Variants in RSF1 observed in about 807,000 individuals in gnomAD.
The protein encoded by RSF1 is HBV pX-associated protein 8.
A neutral mutation model predicts 145.2 loss-of-function variants in RSF1; 13 were observed. That is an observed-to-expected ratio of 0.09 (90% CI 0.06 to 0.14). The LOEUF (loss-of-function observed/expected upper bound fraction) is 0.14. Among genes scored for constraint, RSF1 ranks in the 10% least tolerant of loss-of-function variants. The pLI, the probability that RSF1 is intolerant of heterozygous loss-of-function variation, is 1.00. For synonymous variants in RSF1, 577 were observed against 592.6 expected, an observed-to-expected ratio of 0.97 and a Z score of 0.38; for missense variants, 1,517 against 1,718.2, an observed-to-expected ratio of 0.88 and a Z score of 2.07.
At chr11:77,820,186 G>T (rs1253869126) in intron 1 of RSF1, among the ~76,000 whole-genome samples, 1 of 152,168 alleles carries the variant, frequency 6.6e-6, no homozygotes, top group Non-Finnish European at 1.5e-5. Flanking sequence ...CGCCGCCAAG[G>T]GGGAGACGGG....
intron 15 of RSF1, among the ~76,000 whole-genome samples, chr11:77,671,176 T>C (rs1431743672): frequency 9.9e-6 from 1 of 100,532 alleles, no homozygotes; most frequent in African/African-American, 4.3e-5. Flanking sequence ...TATATATATA[T>C]ATTTATATGT....
At chr11:77,775,417 A>G (rs1005800577) in intron 1 of RSF1, among the ~76,000 whole-genome samples, 31 of 152,326 alleles carry the variant, frequency 2.0e-4, no homozygotes, top group Non-Finnish European at 3.1e-4. Flanking sequence ...AACAGGTGAT[A>G]TCACTAACCG....
At chr11:77,735,657 C>T (rs1961331023) in intron 4 of RSF1, among the ~76,000 whole-genome samples, 1 of 152,082 alleles carries the variant, frequency 6.6e-6, no homozygotes, top group Admixed American at 6.6e-5. Flanking sequence ...CTAAGAAAAG[C>T]ACCTAAATGC....
At chr11:77,824,556 C>T (rs1456896464), upstream of RSF1, among the ~76,000 whole-genome samples, 1 of 152,160 alleles carries the variant, frequency 6.6e-6, no homozygotes, top group African/African-American at 2.4e-5. Context: ...GTAATACACA[C>T]TGTTGATATA....
chr11:77,847,717 T>C, the RSF1 span, among the ~76,000 whole-genome samples: 1 of 152,328 alleles, frequency 6.6e-6, no homozygotes, highest in South Asian at 2.1e-4. Context: ...TTAGTTTATA[T>C]TGTATTCAGT....
chr11:77,807,520 A>T (rs1293133248), intron 1 of RSF1, among the ~76,000 whole-genome samples: 1 of 152,252 alleles, frequency 6.6e-6, no homozygotes, highest in Non-Finnish European at 1.5e-5. Flanking sequence ...ATGGAAAGGA[A>T]CACACCATGC....
chr11:77,837,705 G>T, the RSF1 span, among the ~76,000 whole-genome samples: 2 of 152,114 alleles, frequency 1.3e-5, no homozygotes, highest in Non-Finnish European at 2.9e-5. Context: ...CAAAGTGCTG[G>T]GATTACAGGC....
chr11:77,791,409 C>T (rs913485398), intron 1 of RSF1, among the ~76,000 whole-genome samples: 12 of 152,202 alleles, frequency 7.9e-5, no homozygotes, highest in African/African-American at 2.9e-4. Flanking sequence ...CCGACATGCC[C>T]TGGAGACATT....
At chr11:77,756,211 G>A (rs534255930) in intron 2 of RSF1, among the ~76,000 whole-genome samples, 2 of 151,946 alleles carry the variant, frequency 1.3e-5, no homozygotes, top group South Asian at 2.1e-4. Flanking sequence ...TACAAAATTA[G>A]CTGGGCATGG....
the RSF1 span, among the ~76,000 whole-genome samples, chr11:77,859,042 C>T: frequency 6.6e-6 from 1 of 152,196 alleles, no homozygotes; most frequent in African/African-American, 2.4e-5. Flanking sequence ...TGGGTGTTAT[C>T]AATGCCTAAG....
At chr11:77,784,949 T>C (rs570682666) in intron 1 of RSF1, among the ~76,000 whole-genome samples, 3 of 152,356 alleles carry the variant, frequency 2.0e-5, no homozygotes, top group African/African-American at 7.2e-5. Context: ...TTCTGTCTTC[T>C]GCATAGCCCT....
rs71046904 is a variant in RSF1, at chr11:77,692,233, A to ATTTTTTTT, written c.2821-1003_2821-996dup. ...AAAAAATAATTATTACTACTTTTAA[A>ATTTTTTTT]TTTTTTTTTTTTTTTTTTTTTTTTT... On this transcript the variant is annotated intron_variant, in intron 8 of 15. Coordinates refer to ENST00000308488, the MANE Select transcript of RSF1 (RefSeq NM_016578.4). Among the ~76,000 whole-genome samples the ATTTTTTTT allele has an allele frequency of 9.1e-3, 449 of 49,452 alleles. 93 individuals carry two copies. Among genetic ancestry groups the ATTTTTTTT allele is most frequent in the African/African-American group, 0.026 (206 of 7,834 alleles). The allele number at this position is 49,452 out of a possible 152,430, so 32.4% of individuals were successfully genotyped here.
At chr11:77,709,758 T>G (rs1358856293) in intron 5 of RSF1, among the ~76,000 whole-genome samples, 1 of 151,838 alleles carries the variant, frequency 6.6e-6, no homozygotes, top group African/African-American at 2.4e-5. Context: ...CAGGCTAGAG[T>G]GCACTGGTAT....
chr11:77,861,055 T>G, the RSF1 span, among the ~76,000 whole-genome samples: 1 of 152,150 alleles, frequency 6.6e-6, no homozygotes, highest in Non-Finnish European at 1.5e-5. Context: ...TTGCCTTTGG[T>G]ACGGAAAGGA....
At chr11:77,676,468 GA>G (rs1313643253) in intron 13 of RSF1, among the ~76,000 whole-genome samples, 1 of 152,090 alleles carries the variant, frequency 6.6e-6, no homozygotes, top group African/African-American at 2.4e-5. Flanking sequence ...TTTCACATAG[GA>G]CTGGAAACCC....
At chr11:77,677,890 GTAGT>G (rs1249274730) in intron 12 of RSF1, among the ~76,000 whole-genome samples, 192 bp downstream of exon 12, 1 of 152,146 alleles carries the variant, frequency 6.6e-6, no homozygotes, top group African/African-American at 2.4e-5. Context: ...TGCTTTAAAA[GTAGT>G]TAGTAAGATC....
At chr11:77,734,572 TG>T in intron 4 of RSF1, 2 of 1,545,172 alleles carry the variant, frequency 1.3e-6, no homozygotes, top group East Asian at 2.2e-5. Context: ...GTTGGTCACA[TG>T]GTCATCCAAT....
At chr11:77,790,946 G>A (rs540089555) in intron 1 of RSF1, among the ~76,000 whole-genome samples, 1 of 152,180 alleles carries the variant, frequency 6.6e-6, no homozygotes, top group East Asian at 1.9e-4. Flanking sequence ...CATGGTGCAA[G>A]CTCTCAGTGG....
chr11:77,737,840 G>A (rs1381577293), intron 4 of RSF1, among the ~76,000 whole-genome samples: 1 of 151,872 alleles, frequency 6.6e-6, no homozygotes, highest in Non-Finnish European at 1.5e-5. Context: ...TAAGAAAAGC[G>A]AATAGCTGGC....
Sources: allele counts gnomAD v4.1 joint callset (sites outside exome capture counted in the v4.1 genomes callset), GRCh38; gene constraint gnomAD v4.1.1; transcripts MANE v1.5; gene names NCBI Gene and HGNC (gene_info 2026-07-23, HGNC 2026-07-21).